The following MBD5 variants were observed in gnomAD, a reference collection of about 807,000 sequenced individuals.
MBD5 encodes methyl-CpG binding domain protein 5, also known as methyl-CpG-binding domain protein 5.
MBD5 carries 13 observed loss-of-function variants against 117.3 expected under a neutral mutation model. The observed-to-expected ratio is 0.11, with a 90% confidence interval of 0.07 to 0.18. The LOEUF (loss-of-function observed/expected upper bound fraction) is 0.18. Among genes scored for constraint, MBD5 ranks in the 10% least tolerant of loss-of-function variants. MBD5 has a pLI of 1.00. For synonymous variants in MBD5, 727 were observed against 766.4 expected (o/e 0.95, Z 0.85); for missense variants, 1,879 against 2,093.8 (o/e 0.90, Z 2.00).
chr2:148,426,679 G>A (rs886946061), intron 4 of MBD5, among the ~76,000 whole-genome samples: 9 of 152,086 alleles, frequency 5.9e-5, no homozygotes, highest in African/African-American at 2.2e-4. Context: ...TTACATGTTA[G>A]ACCTAAAACC....
At chr2:148,107,154 A>G (rs755147439) in intron 1 of MBD5, among the ~76,000 whole-genome samples, 5 of 152,046 alleles carry the variant, frequency 3.3e-5, no homozygotes, top group African/African-American at 1.2e-4. Context: ...TGTGATTCTT[A>G]GAAGTTATTT....
chr2:148,371,899 T>C (rs1313057275), intron 4 of MBD5, among the ~76,000 whole-genome samples: 2 of 152,136 alleles, frequency 1.3e-5, no homozygotes, highest in Non-Finnish European at 2.9e-5. Flanking sequence ...TTGAATACAC[T>C]ATTGAAAAAC....
intron 4 of MBD5, among the ~76,000 whole-genome samples, chr2:148,368,641 G>A (rs1372331330): frequency 6.6e-6 from 1 of 152,098 alleles, no homozygotes; most frequent in East Asian, 1.9e-4. Context: ...GCAGCCAAAT[G>A]TGGGGCAATT....
At chr2:148,391,938 G>A (rs962213077) in intron 4 of MBD5, among the ~76,000 whole-genome samples, 39 of 152,114 alleles carry the variant, frequency 2.6e-4, no homozygotes, top group Middle Eastern at 6.8e-3. Flanking sequence ...ATTTTTTCCT[G>A]TTCTTTCTTC....
At chr2:148,398,656 A>C (rs947471632) in intron 4 of MBD5, among the ~76,000 whole-genome samples, 32 of 152,208 alleles carry the variant, frequency 2.1e-4, no homozygotes, top group African/African-American at 5.1e-4. Context: ...CTTTAGTTTA[A>C]TTAGATCCCA....
chr2:148,034,727 T>C (rs1316816007), intron 1 of MBD5, among the ~76,000 whole-genome samples: 1 of 152,154 alleles, frequency 6.6e-6, no homozygotes, highest in Admixed American at 6.6e-5. Context: ...AATACAAAAG[T>C]GAGACAAACA....
intron 1 of MBD5, among the ~76,000 whole-genome samples, chr2:148,176,982 T>C (rs1476248759): frequency 6.6e-6 from 1 of 152,176 alleles, no homozygotes; most frequent in Non-Finnish European, 1.5e-5. Context: ...TCCCTCTTTT[T>C]TGCCACAGTA....
chr2:148,302,226 T>C (rs559857221), intron 3 of MBD5, among the ~76,000 whole-genome samples: 134 of 152,306 alleles, frequency 8.8e-4, no homozygotes, highest in African/African-American at 3.1e-3. Flanking sequence ...AGATTGGAGG[T>C]GGGAAAATAC....
At chr2:148,136,335 A>G (rs1186522448) in intron 1 of MBD5, among the ~76,000 whole-genome samples, 1 of 152,116 alleles carries the variant, frequency 6.6e-6, no homozygotes, top group African/African-American at 2.4e-5. Context: ...AGGGGGAAGA[A>G]TGGCCATAGA....
intron 4 of MBD5, among the ~76,000 whole-genome samples, chr2:148,395,876 T>G (rs73015191): frequency 0.013 from 1,922 of 152,300 alleles, 51 homozygotes; most frequent in African/African-American, 0.044. Flanking sequence ...CACCTCATGA[T>G]GTGAACAGGC....
chr2:148,118,462 A>T (rs2105388154), intron 1 of MBD5, among the ~76,000 whole-genome samples: 1 of 151,692 alleles, frequency 6.6e-6, no homozygotes, highest in African/African-American at 2.4e-5. Context: ...AGTTTAAATT[A>T]GGCTGGAATG....
At chr2:148,116,472 A>G (rs1046049597) in intron 1 of MBD5, among the ~76,000 whole-genome samples, 3 of 152,188 alleles carry the variant, frequency 2.0e-5, no homozygotes, top group African/African-American at 7.2e-5. Context: ...GTAACAAACA[A>G]TGGGATTCAT....
At chr2:148,201,135 C>G (rs1344360867) in intron 2 of MBD5, among the ~76,000 whole-genome samples, 1 of 152,194 alleles carries the variant, frequency 6.6e-6, no homozygotes, top group Non-Finnish European at 1.5e-5. Context: ...ACTTGACACA[C>G]CAGGCCATGC....
intron 1 of MBD5, among the ~76,000 whole-genome samples, chr2:148,043,459 A>ATAAATAAATAAATAAAT (rs1242895318): frequency 6.7e-6 from 1 of 149,794 alleles, no homozygotes; most frequent in Non-Finnish European, 1.5e-5. Flanking sequence ...TCTCAAATAA[A>ATAAATAAATAAATAAAT]TAAATAAATA....
intron 3 of MBD5, among the ~76,000 whole-genome samples, chr2:148,248,329 A>G (rs1169109855): frequency 6.6e-6 from 1 of 152,184 alleles, no homozygotes; most frequent in South Asian, 2.1e-4. Flanking sequence ...TCAAGCTGGT[A>G]TTGTGGGTTT....
At chr2:148,143,243 T>G (rs1007507807) in intron 1 of MBD5, among the ~76,000 whole-genome samples, 3 of 152,178 alleles carry the variant, frequency 2.0e-5, no homozygotes, top group Non-Finnish European at 4.4e-5. Flanking sequence ...TGGTTTTGCT[T>G]AAAGTCGCAA....
intron 1 of MBD5, among the ~76,000 whole-genome samples, chr2:148,087,663 A>C (rs1275451054): frequency 6.6e-6 from 1 of 152,128 alleles, no homozygotes; most frequent in Admixed American, 6.5e-5. Context: ...CCTAGGACAA[A>C]AGGGAGTGCA....
chr2:148,483,056 C>T (rs1201351248), intron 8 of MBD5, 54 bp from the exon 9 acceptor site: 1 of 1,579,456 alleles, frequency 6.3e-7, no homozygotes. Context: ...CCTAGTCTCA[C>T]ATAACATTCA....
At chr2:148,364,794 A>G (rs1335723886) in intron 4 of MBD5, among the ~76,000 whole-genome samples, 2 of 152,220 alleles carry the variant, frequency 1.3e-5, no homozygotes, top group African/African-American at 2.4e-5. Context: ...AGAGCTAACT[A>G]TCCTAAATAT....
Sources: allele counts gnomAD v4.1 joint callset (sites outside exome capture counted in the v4.1 genomes callset), GRCh38; gene constraint gnomAD v4.1.1; transcripts MANE v1.5; gene names NCBI Gene and HGNC (gene_info 2026-07-23, HGNC 2026-07-21).